Variants in DYM observed in about 807,000 individuals in gnomAD.
The protein encoded by DYM is dymeclin.
A neutral mutation model predicts 93.1 loss-of-function variants in DYM; 78 were observed. The ratio of observed to expected loss-of-function variants is 0.84; its 90% CI spans 0.70 to 1.01. DYM has a LOEUF of 1.01. DYM is among the 50% of genes least tolerant of loss of function. DYM has a pLI of 0.00. For missense variants in DYM, 789 were observed against 845.0 expected (o/e 0.93, Z 0.82); for synonymous variants, 321 against 319.7 (o/e 1.00, Z -0.04).
At chr18:49,225,027 A>G (rs2093479637) in intron 13 of DYM, among the ~76,000 whole-genome samples, 1 of 152,138 alleles carries the variant, frequency 6.6e-6, no homozygotes, top group South Asian at 2.1e-4. Flanking sequence ...GGATTTGGCA[A>G]TATGGAGGTC....
intron 16 of DYM, among the ~76,000 whole-genome samples, chr18:49,117,553 T>C (rs1055034711): frequency 9.2e-5 from 14 of 152,168 alleles, no homozygotes; most frequent in African/African-American, 3.4e-4. Flanking sequence ...ATTATTAATA[T>C]ATATTTTATT....
At chr18:49,346,321 A>C (rs754384383) in intron 6 of DYM, among the ~76,000 whole-genome samples, 2 of 152,230 alleles carry the variant, frequency 1.3e-5, no homozygotes, top group Non-Finnish European at 2.9e-5. Context: ...GGTACATATT[A>C]TATAACATGA....
intron 17 of DYM, among the ~76,000 whole-genome samples, chr18:49,074,584 C>G (rs2077152933): frequency 2.0e-5 from 3 of 152,050 alleles, no homozygotes. Flanking sequence ...CTGGAAAAAT[C>G]AAAACGTTTG....
chr18:49,147,817 A>C (rs1195447481), intron 15 of DYM, among the ~76,000 whole-genome samples: 1 of 152,202 alleles, frequency 6.6e-6, no homozygotes, highest in Non-Finnish European at 1.5e-5. Flanking sequence ...TACAAATACC[A>C]TTTGACCCGG....
chr18:49,281,996 C>T lies in DYM; in HGVS notation c.1125+1G>A. ...CATGGAATGTTTAGTATGATACTTA[C>T]AAGATTTTCCATATCTGTGCGAGCC... is the stretch of plus-strand genomic sequence containing the variant. On this transcript the variant is annotated splice_donor_variant, in intron 10 of 17. Coordinates refer to ENST00000675505, the MANE Select transcript of DYM (RefSeq NM_001353214.3). LOFTEE classifies it high-confidence loss of function. 1 of 1,612,762 alleles carries T rather than the reference C, an allele frequency of 6.2e-7. No homozygotes were observed. The highest frequency in any genetic ancestry group is 8.5e-7 in the Non-Finnish European group (1 of 1,179,194).
chr18:49,173,643 T>G (rs2089028104), intron 14 of DYM, among the ~76,000 whole-genome samples: 2 of 152,130 alleles, frequency 1.3e-5, no homozygotes, highest in Non-Finnish European at 2.9e-5. Context: ...AATTTAACAG[T>G]AAATTCAACA....
At chr18:49,123,732 GGGA>G (rs1430594655) in intron 15 of DYM, among the ~76,000 whole-genome samples, 2 of 152,142 alleles carry the variant, frequency 1.3e-5, no homozygotes. Context: ...TGAAGCAAAG[GGGA>G]GGAGATGAGA....
chr18:49,062,899 G>A (rs978011975), intron 17 of DYM, among the ~76,000 whole-genome samples: 4 of 152,174 alleles, frequency 2.6e-5, no homozygotes, highest in Non-Finnish European at 5.9e-5. Context: ...TGATGGGAAG[G>A]AGATTATAAT....
At chr18:49,262,327 C>T (rs1237797316) in intron 11 of DYM, among the ~76,000 whole-genome samples, 2 of 152,020 alleles carry the variant, frequency 1.3e-5, no homozygotes, top group African/African-American at 2.4e-5. Flanking sequence ...AGCATGGCCC[C>T]GCTGACACCT....
At chr18:49,421,242 C>T (rs1307875728) in intron 2 of DYM, among the ~76,000 whole-genome samples, 1 of 152,172 alleles carries the variant, frequency 6.6e-6, no homozygotes, top group Non-Finnish European at 1.5e-5. Flanking sequence ...CTGGGAGGCA[C>T]CTCCCAGTAG....
intron 17 of DYM, among the ~76,000 whole-genome samples, chr18:49,074,210 C>T (rs1377663169): frequency 6.6e-6 from 1 of 152,174 alleles, no homozygotes; most frequent in African/African-American, 2.4e-5. Context: ...GAGGAAAAAA[C>T]AAGGATAGTT....
chr18:49,247,005 G>A (rs748806286), intron 13 of DYM, among the ~76,000 whole-genome samples: 111 of 152,160 alleles, frequency 7.3e-4, no homozygotes, highest in Non-Finnish European at 5.9e-5. Context: ...CTTGTGCTCC[G>A]GGCTATCTCT....
At chr18:49,107,087 T>C (rs1345009802) in intron 16 of DYM, among the ~76,000 whole-genome samples, 3 of 152,228 alleles carry the variant, frequency 2.0e-5, no homozygotes, top group Non-Finnish European at 4.4e-5. Flanking sequence ...CCATATTTCT[T>C]GGAGGCTTTG....
intron 14 of DYM, chr18:49,208,397 T>C: frequency 6.6e-6 from 1 of 152,094 alleles, no homozygotes; most frequent in Non-Finnish European, 1.5e-5. Flanking sequence ...ATTTGATAAA[T>C]TCTTCTAACA....
intron 11 of DYM, among the ~76,000 whole-genome samples, chr18:49,269,036 A>T (rs918452591): frequency 2.0e-5 from 3 of 152,204 alleles, no homozygotes; most frequent in Admixed American, 6.5e-5. Flanking sequence ...TTGATATAAA[A>T]TATTTTCAAA....
At position 49,118,695 on chromosome 18, in the gene DYM, C is replaced by T. The variant is rs372004577; in HGVS notation, c.1911+49G>A. Reference sequence around the variant, plus strand: ...ACCAAGGCTTATTAAACATTCTCTGCTTTAATACTTAAAAAAGAATCATAA... The same window carrying T: ...ACCAAGGCTTATTAAACATTCTCTGTTTTAATACTTAAAAAAGAATCATAA... On this transcript the variant is annotated intron_variant, in intron 16 of 17. Coordinates refer to ENST00000675505, the MANE Select transcript of DYM (RefSeq NM_001353214.3). 101 of 1,531,812 alleles carry T rather than the reference C, an allele frequency of 6.6e-5. No individual in the cohort carries two copies. The African/African-American group carries it at 1.2e-3, about 19-fold the overall frequency. The allele number at this position is 1,531,812 out of a possible 1,614,324, so 94.9% of individuals were successfully genotyped here.
At position 49,272,216 on chromosome 18, in the gene DYM, T is replaced by C. The variant is rs2094722083; in HGVS notation, c.1213A>G (p.Thr405Ala). 1.2e-6 allele frequency: 2 copies of C among 1,611,762 alleles called. No individual in the cohort carries two copies. Residue 405 changes from threonine (T) to alanine (A), a missense_variant, in exon 11 of 18, where the codon ACG becomes GCG. Transcript: ENST00000675505. ...YMALIILLIL[T>A]EDDGFNRSIH... Reference sequence around the variant, plus strand: ...GATCTGTTGAAGCCATCATCTTCCGTAAGGATCAACAATATTATAAGGGCC... The same window carrying C: ...GATCTGTTGAAGCCATCATCTTCCGCAAGGATCAACAATATTATAAGGGCC...
At chr18:49,286,191 A>G (rs2059651669) in intron 9 of DYM, among the ~76,000 whole-genome samples, 1 of 152,178 alleles carries the variant, frequency 6.6e-6, no homozygotes, top group South Asian at 2.1e-4. Context: ...GACCCAAATT[A>G]AACACATGCT....
intron 2 of DYM, among the ~76,000 whole-genome samples, chr18:49,428,500 C>T (rs1490976565): frequency 6.6e-6 from 1 of 152,122 alleles, no homozygotes; most frequent in East Asian, 1.9e-4. Flanking sequence ...GCCTGGCCAA[C>T]ATGGTGACAT....
Sources: gnomAD v4.1 joint callset for allele counts (sites outside exome capture counted in the v4.1 genomes callset) on GRCh38, gnomAD v4.1.1 for gene constraint, MANE v1.5 for transcripts, NCBI Gene and HGNC (gene_info 2026-07-23, HGNC 2026-07-21) for gene names.